NUP214: variants seen among roughly 807,000 people sequenced by gnomAD.
The protein encoded by NUP214 is nucleoporin 214.
Under a neutral mutation model 196.2 loss-of-function variants are expected in NUP214, and 79 were observed. The observed-to-expected ratio is 0.40, with a 90% CI of 0.34 to 0.49. The LOEUF (loss-of-function observed/expected upper bound fraction) is 0.49. Ranked by LOEUF, NUP214 falls within the 20% of genes least tolerant of loss-of-function variation. NUP214 has a pLI of 0.58. For synonymous variants in NUP214, 1,020 were observed against 990.5 expected (o/e 1.03, Z -0.56); for missense variants, 2,468 against 2,539.0 (o/e 0.97, Z 0.60).
At chr9:131,151,640 C>G in intron 16 of NUP214, 96 bp from the exon 17 acceptor site, 1 of 857,724 alleles carries the variant, frequency 1.2e-6, no homozygotes, top group Non-Finnish European at 1.8e-6. Context: ...TCATTCTGTT[C>G]AGTGAGCGTT....
At chr9:131,214,605 G>A (rs755260933) in intron 30 of NUP214, among the ~76,000 whole-genome samples, 3 of 152,280 alleles carry the variant, frequency 2.0e-5, no homozygotes, top group African/African-American at 4.8e-5. Context: ...ACACAGCCTC[G>A]AGTCAGCATT....
In NUP214 at chr9:131,232,293, T is replaced by G; in HGVS notation, c.6224T>G (p.Phe2075Cys). 10 of 1,614,188 alleles carry G rather than the reference T, an allele frequency of 6.2e-6. No homozygotes were observed. Among genetic ancestry groups the G allele is most frequent in the Non-Finnish European group, 6.8e-6 (8 of 1,180,010 alleles). Residue 2075 changes from phenylalanine (F) to cysteine (C), a missense_variant, in exon 35 of 36, where the codon TTT becomes TGT. Phe to Cys is a radical substitution (Grantham distance 205). Coordinates refer to ENST00000359428, the MANE Select transcript of NUP214 (RefSeq NM_005085.4). This position sits in a 1 kb window ranked among gnomAD's most constrained non-coding sequence, Gnocchi z 5.1. ...GFGSGTGGFS[F>C]GSNNSSVQGF... ...TTATTCTGCTTTTCAGGGTTCAGCT[T>G]TGGGTCAAATAACTCGTAAGTATCC...
At chr9:131,180,270 C>T (rs966519569) in intron 24 of NUP214, among the ~76,000 whole-genome samples, 1 of 152,186 alleles carries the variant, frequency 6.6e-6, no homozygotes, top group South Asian at 2.1e-4. Flanking sequence ...AATGTAGAAG[C>T]ATTCCTTTCA....
chr9:131,201,505 C>T (rs1056647311), intron 29 of NUP214, 142 bp from the exon 30 acceptor site: 3 of 600,158 alleles, frequency 5.0e-6, no homozygotes, highest in Non-Finnish European at 8.9e-6. Context: ...GCAGAGGTTG[C>T]AGTGAGCCAA....
At chr9:131,229,217 TACTC>T (rs758361025) in intron 33 of NUP214, 48 of 157,528 alleles carry the variant, frequency 3.0e-4, no homozygotes, top group Non-Finnish European at 5.4e-4. Context: ...AGTATGTTCT[TACTC>T]ACACCCTTCC....
At chr9:131,137,044 T>A (rs1317084678) in intron 9 of NUP214, among the ~76,000 whole-genome samples, 1 of 152,250 alleles carries the variant, frequency 6.6e-6, no homozygotes, top group East Asian at 1.9e-4. Flanking sequence ...GCCATGGCTC[T>A]CATTGTCTAG....
intron 3 of NUP214, among the ~76,000 whole-genome samples, 164 bp from the exon 4 acceptor site, chr9:131,129,115 T>C (rs546756912): frequency 5.9e-5 from 9 of 152,368 alleles, no homozygotes; most frequent in African/African-American, 2.2e-4. Context: ...TGAAATTGTC[T>C]ATAGCAAATA....
chr9:131,151,134 T>A (rs1283739327), intron 16 of NUP214, among the ~76,000 whole-genome samples: 1 of 152,236 alleles, frequency 6.6e-6, no homozygotes, highest in Non-Finnish European at 1.5e-5. Flanking sequence ...AAAAAGGATA[T>A]TTTAGGACAT....
At position 131,232,385 on chromosome 9, in the gene NUP214, T is replaced by G; in HGVS notation, c.6239+77T>G. On this transcript the variant is annotated intron_variant, in intron 35 of 35. Transcript: ENST00000359428. The surrounding 1 kb of genome is among the most constrained non-coding windows in gnomAD (Gnocchi z 5.1). ...TTGGAAGTGTGTGGATCTTGCTGGA[T>G]TTGTGCATTTTCTTTTCGTTTTTTC... 1.4e-6 allele frequency: 2 copies of G among 1,428,196 alleles called. No homozygotes were observed. Among genetic ancestry groups the G allele is most frequent in the South Asian group, 2.3e-5 (2 of 87,284 alleles). The allele number at this position is 1,428,196 out of a possible 1,614,324, so 88.5% of individuals were successfully genotyped here.
At chr9:131,212,484 G>C (rs1834273648) in intron 30 of NUP214, among the ~76,000 whole-genome samples, 1 of 152,124 alleles carries the variant, frequency 6.6e-6, no homozygotes, top group Non-Finnish European at 1.5e-5. Flanking sequence ...GTCTCCCCTG[G>C]ACACCCAGCT....
In NUP214 at chr9:131,133,179, G is replaced by A. The variant is rs751279431; in HGVS notation, c.801G>A (p.Thr267=). 39 of 1,591,324 alleles carry A rather than the reference G, an allele frequency of 2.5e-5. No individual in the cohort carries two copies. Among genetic ancestry groups the A allele is most frequent in the East Asian group, 2.3e-4 (10 of 43,402 alleles). Residue 267 remains threonine (T), a synonymous_variant, in exon 7 of 36, where the codon ACG becomes ACA. Transcript: ENST00000359428. ...VYAAADGTLE[T]SPDVVMALLP... is the part of the protein sequence containing the mutation. ...CTGCTGCAGATGGGACCCTGGAAAC[G>A]TCTCCAGATGTGGTGATGGCTCTAC...
chr9:131,146,036 GATA>G lies in NUP214; in HGVS notation c.1770-88_1770-86del. The G allele has an allele frequency of 1.7e-6, 2 of 1,195,988 alleles. No individual in the cohort carries two copies. The highest frequency in any genetic ancestry group is 2.4e-6 in the Non-Finnish European group (2 of 841,740). The allele number at this position is 1,195,988 out of a possible 1,614,324, so 74.1% of individuals were successfully genotyped here. A position where few individuals can be genotyped will look rare whatever the true frequency, so the allele number is the denominator to read the frequency against. On this transcript the variant is annotated intron_variant, in intron 12 of 35. Transcript: ENST00000359428. This position sits in a 1 kb window ranked among gnomAD's most constrained non-coding sequence, Gnocchi z 4.6. The stretch of plus-strand genomic sequence containing the variant: ...GTTATCTTTGTAAGTTAACATAAAA[GATA>G]ATAAGTTATCTTTTGATGACATTGC...
chr9:131,186,156 G>A (rs1443136910), intron 24 of NUP214, among the ~76,000 whole-genome samples: 1 of 152,168 alleles, frequency 6.6e-6, no homozygotes, highest in East Asian at 1.9e-4. Flanking sequence ...GAGGTGACGG[G>A]GGAACACTGT....
chr9:131,160,523 G>A (rs1832598286), intron 18 of NUP214, among the ~76,000 whole-genome samples: 1 of 152,164 alleles, frequency 6.6e-6, no homozygotes, highest in Non-Finnish European at 1.5e-5. Flanking sequence ...TGCACCATGA[G>A]AGCATGAAGT....
At position 131,187,384 on chromosome 9, in the gene NUP214, T is replaced by G. The variant is rs757143901; in HGVS notation, c.3495+20T>G. The G allele has an allele frequency of 1.9e-5, 6 of 319,926 alleles. No homozygotes were observed. Among genetic ancestry groups the G allele is most frequent in the Non-Finnish European group, 2.5e-5 (5 of 198,608 alleles). The allele number at this position is 319,926 out of a possible 1,614,324, so 19.8% of individuals were successfully genotyped here. On this transcript the variant is annotated intron_variant, in intron 25 of 35. Transcript: ENST00000359428. ...AAGCAGGTAACTTACTGATTTTTAC[T>G]TTTTTTTTTTTTTTTTTTTTGAGAC...
chr9:131,147,985 G>A (rs548415148), intron 14 of NUP214, among the ~76,000 whole-genome samples: 36 of 152,322 alleles, frequency 2.4e-4, no homozygotes, highest in African/African-American at 7.7e-4. Flanking sequence ...CCAGTAGTTC[G>A]AGACTAGCCT....
In NUP214 at chr9:131,230,372, A is replaced by G. The variant is rs192458832; in HGVS notation, c.6075-258A>G. The G allele has an allele frequency of 9.3e-4, 448 of 481,474 alleles. 4 individuals carry two copies. Among genetic ancestry groups the G allele is most frequent in the African/African-American group, 7.9e-3 (407 of 51,278 alleles). 29.8% of individuals were successfully genotyped at this position (481,474 alleles called of 1,614,324 possible). ...TAGTTCCCAAATGCCCTGGTGTTCC[A>G]ATGGGGGATGGAAACTAAAACACTG... On this transcript the variant is annotated intron_variant, in intron 33 of 35. Transcript: ENST00000359428.
chr9:131,199,134 G>T, intron 29 of NUP214, 119 bp downstream of exon 29: 1 of 1,273,686 alleles, frequency 7.9e-7, no homozygotes, highest in Non-Finnish European at 1.1e-6. Flanking sequence ...TAATCTGTAG[G>T]TTAAAGAAGA....
rs1049040180 is a variant in NUP214 at position 131,232,493 on chromosome 9, A to G, written c.6239+185A>G. ...TGGACTTGCTCTTCTCTGTAGCAAT[A>G]TGGCAGGAGGTGCCAGGCCTCGCCT... On this transcript the variant is annotated intron_variant, in intron 35 of 35. Transcript: ENST00000359428. The surrounding 1 kb of genome is among the most constrained non-coding windows in gnomAD (Gnocchi z 5.1). 1 of 675,372 alleles carries G rather than the reference A, an allele frequency of 1.5e-6. No homozygotes were observed. The allele number at this position is 675,372 out of a possible 1,614,324, so 41.8% of individuals were successfully genotyped here. A position where few individuals can be genotyped will look rare whatever the true frequency, so the allele number is the denominator to read the frequency against.
Sources: allele counts gnomAD v4.1 joint callset (sites outside exome capture counted in the v4.1 genomes callset), GRCh38; gene constraint gnomAD v4.1.1; non-coding constraint Gnocchi (gnomAD v3.1); transcripts MANE v1.5; gene names NCBI Gene and HGNC (gene_info 2026-07-23, HGNC 2026-07-21).